Variants in RAB23 observed in about 807,000 individuals in gnomAD.
RAB23 encodes ras-related protein Rab-23.
RAB23 carries 15 observed loss-of-function variants against 30.0 expected under a neutral mutation model. The observed-to-expected ratio is 0.50, with a 90% CI of 0.33 to 0.77. The LOEUF (loss-of-function observed/expected upper bound fraction) is 0.77. RAB23 is among the 30% of genes least tolerant of loss of function. The pLI, the probability that RAB23 is intolerant of heterozygous loss-of-function variation, is 0.02. For missense variants in RAB23, 243 were observed against 275.4 expected, an observed-to-expected ratio of 0.88 and a Z score of 0.83; for synonymous variants, 93 against 94.0, an observed-to-expected ratio of 0.99 and a Z score of 0.06.
intron 3 of RAB23, among the ~76,000 whole-genome samples, chr6:57,198,565 C>CA (rs1443404848): frequency 6.6e-6 from 1 of 152,044 alleles, no homozygotes; most frequent in Non-Finnish European, 1.5e-5. Flanking sequence ...CCTGTAGTCC[C>CA]AGCTACTCAG....
At position 57,190,610 on chromosome 6, in the gene RAB23, T is replaced by G. The variant is rs375683026; in HGVS notation, c.575-10A>C. ...GATGTATTAAAGACACCTGTATAAA[T>G]TGAGGGAAAAGAGTGATTGCCACTG... On this transcript the variant is annotated splice_polypyrimidine_tract_variant and intron_variant, in intron 6 of 6. Transcript: ENST00000468148. 1 of 1,613,826 alleles carries G rather than the reference T, an allele frequency of 6.2e-7. No homozygotes were observed. Among genetic ancestry groups the G allele is most frequent in the Non-Finnish European group, 8.5e-7 (1 of 1,179,764 alleles).
At chr6:57,214,827 C>A (rs760997190) in intron 1 of RAB23, among the ~76,000 whole-genome samples, 2 of 151,890 alleles carry the variant, frequency 1.3e-5, no homozygotes, top group Non-Finnish European at 2.9e-5. Context: ...ATCTTAAATG[C>A]AAAAGACAAT....
intron 3 of RAB23, among the ~76,000 whole-genome samples, chr6:57,197,916 G>GTTTT (rs748762055): frequency 2.0e-5 from 3 of 151,990 alleles, no homozygotes; most frequent in Admixed American, 6.6e-5. Flanking sequence ...CTAATTCTTT[G>GTTTT]TTTTTTTGTT....
In RAB23 at chr6:57,207,704, A is replaced by C. The variant is rs768999651; in HGVS notation, c.165T>G (p.Asp55Glu). The change falls in exon 3 of 7, where the codon GAT (aspartate) becomes GAG (glutamate). Residue 55 changes from aspartate (D) to glutamate (E), a missense_variant. Physicochemically the swap from Asp to Glu is conservative, Grantham distance 45. Transcript: ENST00000468148. ...CCCATAACATTAGTCTGACATCTTCATCATTAACTCTAAAACAAGAGATGA... is the reference window on the plus strand; with the variant it reads ...CCCATAACATTAGTCTGACATCTTCCTCATTAACTCTAAAACAAGAGATGA... ...DFLERQIQVN[D>E]EDVRLMLWDT... 1 of 1,592,970 alleles carries C rather than the reference A, an allele frequency of 6.3e-7. No homozygotes were observed. Among genetic ancestry groups the C allele is most frequent in the East Asian group, 2.2e-5 (1 of 44,688 alleles).
chr6:57,215,929 T>C (rs1765818399), intron 1 of RAB23, among the ~76,000 whole-genome samples: 2 of 152,220 alleles, frequency 1.3e-5, no homozygotes, highest in South Asian at 2.1e-4. Flanking sequence ...TTGTAAAATA[T>C]TGACTGCAGT....
At chr6:57,198,687 A>C (rs1286924417) in intron 3 of RAB23, among the ~76,000 whole-genome samples, 1 of 152,146 alleles carries the variant, frequency 6.6e-6, no homozygotes, top group African/African-American at 2.4e-5. Context: ...TCTAAAAAAA[A>C]AAAAAAAATT....
rs374601145 is a variant in RAB23, at chr6:57,196,593, A to G, written c.255T>C (p.Cys85=). 4.6e-5 allele frequency: 75 copies of G among 1,613,746 alleles called. No homozygotes were observed. The highest frequency in any genetic ancestry group is 5.9e-5 in the Non-Finnish European group (70 of 1,179,916). The change falls in exon 4 of 7, where the codon TGT becomes TGC. Residue 85 remains cysteine (C), a synonymous_variant. Coordinates refer to ENST00000468148, the MANE Select transcript of RAB23 (RefSeq NM_016277.5). ...TATCTGTGGTAGAGAACACGAGCAC[A>G]CAAGCCTGGGCTCCTGTAAGTTCAC... ...TKAYYRGAQA[C]VLVFSTTDRE...
In RAB23 at chr6:57,190,573, T is replaced by G; in HGVS notation, c.602A>C (p.His201Pro). 1 of 1,613,962 alleles carries G rather than the reference T, an allele frequency of 6.2e-7. No homozygotes were observed. The highest frequency in any genetic ancestry group is 1.7e-5 in the Admixed American group (1 of 60,016). ...GAGGGTACCTGAATTCTGACCGGAG[T>G]GACTTCCACCAGATGTATTAAAGAC... ...IGVFNTSGGS[H>P]SGQNSGTLNG... is the part of the protein sequence containing the mutation. The change falls in exon 7 of 7, where the codon CAC becomes CCC. Residue 201 changes from histidine (H) to proline (P), a missense_variant. His to Pro is a moderately conservative substitution (Grantham distance 77, BLOSUM62 -2). Coordinates refer to ENST00000468148, the MANE Select transcript of RAB23 (RefSeq NM_016277.5).
Position 57,190,354 on chromosome 6 carries a change from C to A in RAB23, c.*107G>T, listed in dbSNP as rs1764791271. The A allele has an allele frequency of 7.7e-7, 1 of 1,305,656 alleles. No individual in the cohort carries two copies. The highest frequency in any genetic ancestry group is 1.5e-5 in the African/African-American group (1 of 68,616). 80.9% of individuals were successfully genotyped at this position (1,305,656 alleles called of 1,614,324 possible). A position where few individuals can be genotyped will look rare whatever the true frequency, so the allele number is the denominator to read the frequency against. On this transcript the variant is annotated 3_prime_UTR_variant, in exon 7 of 7. Transcript: ENST00000468148. ...ATTTAAGTCTGTCACTTTCAGAGAG[C>A]CATTAGGAGCAAAGTCTGCTGAAAA...
chr6:57,206,836 T>A (rs1428237804), intron 3 of RAB23, among the ~76,000 whole-genome samples: 1 of 152,214 alleles, frequency 6.6e-6, no homozygotes, highest in African/African-American at 2.4e-5. Flanking sequence ...ATAGAAGGGA[T>A]AATCAGTATA....
At chr6:57,202,209 TCTTA>T (rs1381538667) in intron 3 of RAB23, among the ~76,000 whole-genome samples, 12 of 152,306 alleles carry the variant, frequency 7.9e-5, no homozygotes, top group African/African-American at 2.6e-4. Flanking sequence ...TACCTTCTCT[TCTTA>T]CTTTTATTTC....
intron 4 of RAB23, 70 bp from the exon 5 acceptor site, chr6:57,194,922 T>G (rs1764965873): frequency 1.8e-6 from 2 of 1,138,616 alleles, no homozygotes; most frequent in East Asian, 4.8e-5. Flanking sequence ...AAATCACTTT[T>G]AATTACATTT....
chr6:57,193,737 G>A, intron 6 of RAB23, 105 bp downstream of exon 6: 2 of 1,445,656 alleles, frequency 1.4e-6, no homozygotes, highest in Non-Finnish European at 1.9e-6. Context: ...TGACTTAATA[G>A]TTTAATAATC....
At chr6:57,213,297 C>T (rs1368811953) in intron 1 of RAB23, among the ~76,000 whole-genome samples, 1 of 152,126 alleles carries the variant, frequency 6.6e-6, no homozygotes, top group Non-Finnish European at 1.5e-5. Flanking sequence ...GGTACCAGTC[C>T]ACGGCCTGGG....
At chr6:57,208,032 G>A (rs928871395) in intron 2 of RAB23, among the ~76,000 whole-genome samples, 1 of 152,126 alleles carries the variant, frequency 6.6e-6, no homozygotes, top group Non-Finnish European at 1.5e-5. Flanking sequence ...TGCTAAAGTT[G>A]AAAAACTGTA....
chr6:57,196,713 T>C lies in RAB23; in HGVS notation c.242-107A>G, dbSNP rs1028194143. The C allele has an allele frequency of 2.5e-5, 35 of 1,403,642 alleles. No homozygotes were observed. The African/African-American group carries it at 5.0e-4, about 20-fold the overall frequency. The allele number at this position is 1,403,642 out of a possible 1,614,324, so 86.9% of individuals were successfully genotyped here. On this transcript the variant is annotated intron_variant, in intron 3 of 6. Transcript: ENST00000468148. Reference sequence around the variant, plus strand: ...GAAGAATGGGGGCAACTTTTATCCATTCAAAACAACTTTTATGTAAATAAA... The same window carrying C: ...GAAGAATGGGGGCAACTTTTATCCACTCAAAACAACTTTTATGTAAATAAA...
intron 6 of RAB23, among the ~76,000 whole-genome samples, chr6:57,192,112 G>A (rs998035674): frequency 6.6e-6 from 1 of 152,092 alleles, no homozygotes; most frequent in African/African-American, 2.4e-5. Flanking sequence ...CCAAATAGCT[G>A]GGATTATAGG....
chr6:57,202,998 C>CTT (rs1765321013), intron 3 of RAB23, among the ~76,000 whole-genome samples: 1 of 119,046 alleles, frequency 8.4e-6, no homozygotes, highest in Non-Finnish European at 1.8e-5. Flanking sequence ...CTAAGATAGG[C>CTT]TGTTTTTTTT....
chr6:57,198,338 C>G lies in RAB23; in HGVS notation c.242-1732G>C, dbSNP rs563642473. On this transcript the variant is annotated intron_variant, in intron 3 of 6. Transcript: ENST00000468148. ...GACCATCCTGGCTAACACGGTGAAA[C>G]CCCGTCTCTACTAAAAATACAAAAA... Among the ~76,000 whole-genome samples, 3 of 152,210 alleles carry G rather than the reference C, an allele frequency of 2.0e-5. No homozygotes were observed. In the South Asian group the frequency reaches 6.2e-4, roughly 32 times the overall value.
Sources: gnomAD v4.1 joint callset for allele counts (sites outside exome capture counted in the v4.1 genomes callset) on GRCh38, gnomAD v4.1.1 for gene constraint, MANE v1.5 for transcripts, NCBI Gene and HGNC (gene_info 2026-07-23, HGNC 2026-07-21) for gene names.